MDM2: variants seen among roughly 807,000 people sequenced by gnomAD.
The protein encoded by MDM2 is E3 ubiquitin-protein ligase Mdm2.
Under a neutral mutation model 64.3 loss-of-function variants are expected in MDM2, and 11 were observed. The ratio of observed to expected loss-of-function variants is 0.17; its 90% confidence interval spans 0.11 to 0.28. The LOEUF is 0.28. Ranked by LOEUF, MDM2 falls within the 10% of genes least tolerant of loss-of-function variation. The pLI, the probability that MDM2 is intolerant of heterozygous loss-of-function variation, is 1.00. For synonymous variants in MDM2, 194 were observed against 192.9 expected (o/e 1.01, Z -0.05); for missense variants, 388 against 577.1 (o/e 0.67, Z 3.36).
At chr12:68,825,130 A>G (rs1349737047) in intron 7 of MDM2, among the ~76,000 whole-genome samples, 3 of 152,076 alleles carry the variant, frequency 2.0e-5, no homozygotes, top group East Asian at 1.9e-4. Flanking sequence ...AATCACTTCA[A>G]CCCGGGAGGT....
At chr12:68,817,019 T>G in intron 4 of MDM2, 74 bp downstream of exon 4, 1 of 1,521,838 alleles carries the variant, frequency 6.6e-7, no homozygotes, top group Non-Finnish European at 8.8e-7. Context: ...CCTCATTCAC[T>G]TTTGTCAGAG....
rs997464909 is a variant in MDM2, at chr12:68,813,616, T to C, written c.162T>C (p.Tyr54=). 16 of 1,612,398 alleles carry C rather than the reference T, an allele frequency of 9.9e-6. No homozygotes were observed. The highest frequency in any genetic ancestry group is 1.3e-5 in the Non-Finnish European group (15 of 1,178,872). Residue 54 remains tyrosine (Y), a synonymous_variant, in exon 3 of 11, where the codon TAT becomes TAC. Transcript: ENST00000258149. ...CTGTTGGTGCACAAAAAGACACTTA[T>C]ACTATGAAAGAGGTAAGCTGAATCA... ...LKSVGAQKDT[Y]TMKEVLFYLG...
rs187166157 is a variant in MDM2 at position 68,817,480 on chromosome 12, T to C, written c.308+535T>C. Reference sequence around the variant, plus strand: ...ATTTCTAGAAATAGGCCTGGTGCGGTGGCTCACACCTGTAATCCCAGCACT... The same window carrying C: ...ATTTCTAGAAATAGGCCTGGTGCGGCGGCTCACACCTGTAATCCCAGCACT... On this transcript the variant is annotated intron_variant, in intron 4 of 10. Transcript: ENST00000258149. Among the ~76,000 whole-genome samples the C allele has an allele frequency of 2.5e-3, 388 of 152,300 alleles. 2 individuals are homozygous for C. The highest frequency in any genetic ancestry group is 2.9e-3 in the Non-Finnish European group (200 of 68,018).
intron 7 of MDM2, 81 bp from the exon 8 acceptor site, chr12:68,828,682 AACTAAGTT>A: frequency 8.8e-7 from 1 of 1,134,570 alleles, no homozygotes; most frequent in Non-Finnish European, 1.3e-6. Context: ...ATTTTATTGA[AACTAAGTT>A]TCTGTACAAA....
chr12:68,813,743 A>G, intron 3 of MDM2, 115 bp downstream of exon 3: 1 of 699,286 alleles, frequency 1.4e-6, no homozygotes, highest in Non-Finnish European at 2.5e-6. Context: ...TTAAGCAGCA[A>G]CATTTAATTT....
chr12:68,808,221 C>G lies in MDM2; in HGVS notation c.-257C>G. On this transcript the variant is annotated 5_prime_UTR_variant, in exon 1 of 11. Coordinates refer to ENST00000258149, the MANE Select transcript of MDM2 (RefSeq NM_002392.6). The stretch of plus-strand genomic sequence containing the variant: ...GCGGCGAGCTTGGCTGCTTCTGGGG[C>G]CTGTGTGGCCCTGTGTGTCGGAAAG... 1.8e-6 allele frequency: 1 copy of G among 545,290 alleles called. No homozygotes were observed. Among genetic ancestry groups the G allele is most frequent in the Non-Finnish European group, 3.2e-6 (1 of 309,896 alleles). The allele number at this position is 545,290 out of a possible 1,614,324, so 33.8% of individuals were successfully genotyped here.
At chr12:68,836,241 C>T (rs1883300285) in intron 9 of MDM2, among the ~76,000 whole-genome samples, 1 of 152,088 alleles carries the variant, frequency 6.6e-6, no homozygotes, top group Admixed American at 6.5e-5. Flanking sequence ...GGTCTGTTCA[C>T]TTTTAAAAAC....
intron 2 of MDM2, among the ~76,000 whole-genome samples, 171 bp from the exon 3 acceptor site, chr12:68,813,383 T>A (rs866379039): frequency 2.0e-5 from 3 of 152,210 alleles, no homozygotes; most frequent in African/African-American, 7.2e-5. Flanking sequence ...TTGGATACTG[T>A]CTGTGATCAC....
intron 5 of MDM2, among the ~76,000 whole-genome samples, chr12:68,821,965 C>G (rs1221336622): frequency 6.6e-6 from 1 of 152,108 alleles, no homozygotes; most frequent in Non-Finnish European, 1.5e-5. Flanking sequence ...AAATGATCCT[C>G]CCCCTCAGCC....
intron 1 of MDM2, 146 bp from the exon 2 acceptor site, chr12:68,809,062 C>T: frequency 1.3e-6 from 2 of 1,499,450 alleles, no homozygotes; most frequent in African/African-American, 1.4e-5. Flanking sequence ...CACGGACGCA[C>T]GCCACTTTTT....
At chr12:68,817,520 C>T (rs1881484872) in intron 4 of MDM2, among the ~76,000 whole-genome samples, 3 of 151,996 alleles carry the variant, frequency 2.0e-5, no homozygotes, top group South Asian at 2.1e-4. Flanking sequence ...GAGGCCAAGG[C>T]GGGTGGATCA....
chr12:68,809,322 A>G, intron 2 of MDM2, 30 bp downstream of exon 2: 1 of 1,579,944 alleles, frequency 6.3e-7, no homozygotes, highest in Non-Finnish European at 8.7e-7. Context: ...GTAACTTTTA[A>G]GAATAATTTA....
In MDM2 at chr12:68,842,525, G is replaced by A. The variant is rs1232411111; in HGVS notation, c.*2676G>A. The A allele has an allele frequency of 5.4e-6, 2 of 371,292 alleles. No individual in the cohort carries two copies. The highest frequency in any genetic ancestry group is 7.4e-5 in the Admixed American group (2 of 27,016). The allele number at this position is 371,292 out of a possible 1,614,324, so 23.0% of individuals were successfully genotyped here. On this transcript the variant is annotated 3_prime_UTR_variant, in exon 11 of 11. Transcript: ENST00000258149. ...TGATTACAAAATCATCTACATTGCT[G>A]TCTACAAAACAGATAATATGGATGT...
chr12:68,833,738 A>AT (rs1330533038), intron 8 of MDM2, among the ~76,000 whole-genome samples: 1 of 152,132 alleles, frequency 6.6e-6, no homozygotes, highest in Non-Finnish European at 1.5e-5. Context: ...ATAAAACTTT[A>AT]TTTATAAAAG....
chr12:68,847,368 ACT>A (rs2136198101), downstream of MDM2: 1 of 146,470 alleles, frequency 6.8e-6, no homozygotes, highest in South Asian at 2.2e-4. Flanking sequence ...TATACACTCA[ACT>A]CTGAGGTATT....
chr12:68,818,262 GA>G (rs1360617216), intron 4 of MDM2, among the ~76,000 whole-genome samples: 1 of 151,976 alleles, frequency 6.6e-6, no homozygotes, highest in Non-Finnish European at 1.5e-5. Context: ...AATTAAATGG[GA>G]TTTTATTTTA....
intron 8 of MDM2, 69 bp from the exon 9 acceptor site, chr12:68,835,760 G>T: frequency 7.0e-7 from 1 of 1,435,968 alleles, no homozygotes. Context: ...GCACAGGGAT[G>T]AGTTAGGAAA....
chr12:68,838,380 G>C (rs557228097), intron 10 of MDM2, among the ~76,000 whole-genome samples: 7 of 152,298 alleles, frequency 4.6e-5, no homozygotes, highest in Admixed American at 2.6e-4. Context: ...GGGATAAAAC[G>C]TTGGGAAAAG....
chr12:68,821,952 C>G (rs1881892062), intron 5 of MDM2, among the ~76,000 whole-genome samples: 1 of 152,032 alleles, frequency 6.6e-6, no homozygotes, highest in Admixed American at 6.6e-5. Context: ...ACCTCCAGGG[C>G]TCAAATGATC....
Sources: allele counts gnomAD v4.1 joint callset (sites outside exome capture counted in the v4.1 genomes callset), GRCh38; gene constraint gnomAD v4.1.1; transcripts MANE v1.5; gene names NCBI Gene and HGNC (gene_info 2026-07-23, HGNC 2026-07-21).